MTHFD2L: variants seen among roughly 807,000 people sequenced by gnomAD.
The protein encoded by MTHFD2L is methylenetetrahydrofolate dehydrogenase (NADP+ dependent) 2 like, also known as bifunctional methylenetetrahydrofolate dehydrogenase/cyclohydrolase 2, mitochondrial.
Under a neutral mutation model 34.9 loss-of-function variants are expected in MTHFD2L, and 29 were observed. The observed-to-expected ratio is 0.83, with a 90% CI of 0.62 to 1.13. The LOEUF (loss-of-function observed/expected upper bound fraction) is 1.13. Ranked by LOEUF, MTHFD2L falls within the 50% of genes most tolerant of loss-of-function variation. The pLI is 0.00. For synonymous variants in MTHFD2L, 167 were observed against 155.7 expected, an observed-to-expected ratio of 1.07 and a Z score of -0.54; for missense variants, 481 against 446.5, an observed-to-expected ratio of 1.08 and a Z score of -0.70.
chr4:74,163,074 CATT>C (rs1171449168), intron 1 of MTHFD2L, among the ~76,000 whole-genome samples: 1 of 4,348 alleles, frequency 2.3e-4, no homozygotes, highest in East Asian at 0.083. Flanking sequence ...ATAAATTGAG[CATT>C]TTTTTTTTTC....
chr4:74,236,856 T>C (rs1450802856), intron 6 of MTHFD2L, among the ~76,000 whole-genome samples: 1 of 152,182 alleles, frequency 6.6e-6, no homozygotes, highest in African/African-American at 2.4e-5. Context: ...GGAGGAGGTA[T>C]AAGGCATTTT....
chr4:74,250,313 G>A (rs1743123626), intron 6 of MTHFD2L, among the ~76,000 whole-genome samples: 1 of 152,080 alleles, frequency 6.6e-6, no homozygotes, highest in African/African-American at 2.4e-5. Flanking sequence ...TTTAATTCAT[G>A]TCTCTGTTTA....
At chr4:74,229,426 C>T (rs1739672082) in intron 6 of MTHFD2L, among the ~76,000 whole-genome samples, 2 of 152,078 alleles carry the variant, frequency 1.3e-5, no homozygotes, top group Non-Finnish European at 2.9e-5. Context: ...AGGGCTAGAT[C>T]ACTGTCATAA....
upstream of MTHFD2L, among the ~76,000 whole-genome samples, chr4:74,156,253 T>C (rs1724246994): frequency 6.6e-6 from 1 of 152,168 alleles, no homozygotes; most frequent in Non-Finnish European, 1.5e-5. Context: ...CCTATCTTCT[T>C]AACCTTTGGC....
At chr4:74,143,641 T>C (rs1430946485) in intron 1 of MTHFD2L, among the ~76,000 whole-genome samples, 1 of 152,156 alleles carries the variant, frequency 6.6e-6, no homozygotes, top group African/African-American at 2.4e-5. Flanking sequence ...TGAATTTTGC[T>C]GCTTAGAAAA....
At chr4:74,239,068 A>G (rs1741297956) in intron 6 of MTHFD2L, among the ~76,000 whole-genome samples, 2 of 152,216 alleles carry the variant, frequency 1.3e-5, no homozygotes, top group South Asian at 4.1e-4. Context: ...CACAATAGCA[A>G]AAACTTGGAA....
chr4:74,186,337 T>C (rs1731229478), intron 3 of MTHFD2L, among the ~76,000 whole-genome samples: 1 of 149,810 alleles, frequency 6.7e-6, no homozygotes, highest in African/African-American at 2.4e-5. Flanking sequence ...TGTCCACTAT[T>C]ACCATGTCTA....
intron 3 of MTHFD2L, among the ~76,000 whole-genome samples, chr4:74,187,766 A>G (rs1731585443): frequency 7.0e-6 from 1 of 142,660 alleles, no homozygotes; most frequent in African/African-American, 2.7e-5. Context: ...ACACACACAC[A>G]CACACTGGTC....
chr4:74,285,355 A>G (rs1363741880), intron 7 of MTHFD2L, among the ~76,000 whole-genome samples: 1 of 152,086 alleles, frequency 6.6e-6, no homozygotes, highest in Non-Finnish European at 1.5e-5. Context: ...AAAAAGACTT[A>G]AAAAAAGATG....
At chr4:74,282,408 C>T (rs372474004) in intron 7 of MTHFD2L, among the ~76,000 whole-genome samples, 6,648 of 152,084 alleles carry the variant, frequency 0.044, 444 homozygotes, top group African/African-American at 0.15. Context: ...ATAGGTGTGT[C>T]CTTCTTACAG....
intron 1 of MTHFD2L, among the ~76,000 whole-genome samples, chr4:74,152,694 G>A (rs1724016575): frequency 1.3e-5 from 2 of 151,864 alleles, no homozygotes; most frequent in South Asian, 2.1e-4. Flanking sequence ...CCCCTGACAG[G>A]CCCCAGTGTG....
At chr4:74,288,228 C>T (rs779672210) in intron 7 of MTHFD2L, 21 of 152,192 alleles carry the variant, frequency 1.4e-4, no homozygotes, top group Non-Finnish European at 2.8e-4. Context: ...CCCATAACAC[C>T]GTTCCACCTG....
intron 3 of MTHFD2L, among the ~76,000 whole-genome samples, chr4:74,196,436 GAA>G (rs1733477043): frequency 6.6e-6 from 1 of 152,102 alleles, no homozygotes; most frequent in Non-Finnish European, 1.5e-5. Flanking sequence ...AACACACAGA[GAA>G]GAGACTATAG....
intron 5 of MTHFD2L, among the ~76,000 whole-genome samples, chr4:74,205,359 A>C (rs1735110185): frequency 6.6e-6 from 1 of 152,144 alleles, no homozygotes; most frequent in Non-Finnish European, 1.5e-5. Flanking sequence ...TATCTATAGA[A>C]CTTGTTCTAA....
At chr4:74,167,295 C>G (rs904575080) in intron 1 of MTHFD2L, among the ~76,000 whole-genome samples, 1 of 152,222 alleles carries the variant, frequency 6.6e-6, no homozygotes, top group East Asian at 1.9e-4. Flanking sequence ...TGGTGAAGGG[C>G]TTTCCCTGCT....
intron 7 of MTHFD2L, among the ~76,000 whole-genome samples, chr4:74,290,640 C>CTGTGTG (rs147970923): frequency 4.0e-5 from 6 of 149,308 alleles, no homozygotes; most frequent in South Asian, 2.1e-4. Context: ...TGGTGAAAGA[C>CTGTGTG]TGTGTGTGTG....
intron 1 of MTHFD2L, among the ~76,000 whole-genome samples, chr4:74,170,762 A>G (rs1727762381): frequency 6.6e-6 from 1 of 152,026 alleles, no homozygotes; most frequent in Non-Finnish European, 1.5e-5. Flanking sequence ...GATTAAGAAA[A>G]TGTAGCACAT....
chr4:74,196,249 C>G lies in MTHFD2L; in HGVS notation c.452-3545C>G, dbSNP rs568900821. 1.6e-4 allele frequency among the ~76,000 whole-genome samples: 24 copies of G among 151,734 alleles called. No individual in the cohort carries two copies. The East Asian group carries it at 4.4e-3, about 28-fold the overall frequency. ...ATCATTTCAACAGGGGGCAATTGATCAATGCATTGAAGAATGAATAGGATG... is the reference window on the plus strand; with the variant it reads ...ATCATTTCAACAGGGGGCAATTGATGAATGCATTGAAGAATGAATAGGATG... On this transcript the variant is annotated intron_variant, in intron 3 of 7. Coordinates refer to ENST00000325278, the MANE Select transcript of MTHFD2L (RefSeq NM_001144978.3).
chr4:74,263,466 T>G (rs1270607579), intron 6 of MTHFD2L, among the ~76,000 whole-genome samples: 1 of 152,086 alleles, frequency 6.6e-6, no homozygotes, highest in Non-Finnish European at 1.5e-5. Context: ...GAACATGGAA[T>G]GTTTTTCCAT....
Sources: allele counts gnomAD v4.1 joint callset (sites outside exome capture counted in the v4.1 genomes callset), GRCh38; gene constraint gnomAD v4.1.1; transcripts MANE v1.5; gene names NCBI Gene and HGNC (gene_info 2026-07-23, HGNC 2026-07-21).